The following CLIC4 variants were observed in gnomAD, a reference collection of about 807,000 sequenced individuals.
The protein encoded by CLIC4 is CLIC family member 4.
A neutral mutation model predicts 24.6 loss-of-function variants in CLIC4; 13 were observed. The ratio of observed to expected loss-of-function variants is 0.53; its 90% CI spans 0.34 to 0.84. CLIC4 has a LOEUF of 0.84. Ranked by LOEUF, CLIC4 falls within the 40% of genes least tolerant of loss-of-function variation. The pLI is 0.01. For synonymous variants in CLIC4, 104 were observed against 111.3 expected (o/e 0.93, Z 0.41); for missense variants, 227 against 301.7 (o/e 0.75, Z 1.83).
At chr1:24,815,691 C>T (rs977762661) in intron 3 of CLIC4, among the ~76,000 whole-genome samples, 6 of 152,166 alleles carry the variant, frequency 3.9e-5, no homozygotes, top group African/African-American at 7.2e-5. Context: ...TTGATGGACT[C>T]TTCCTTTCAT....
In CLIC4 at chr1:24,756,528, C is replaced by A. The variant is rs76504734; in HGVS notation, c.72+10903C>A. 5.9e-3 allele frequency among the ~76,000 whole-genome samples: 904 copies of A among 152,220 alleles called. 7 individuals carry two copies. The highest frequency in any genetic ancestry group is 0.021 in the African/African-American group (861 of 41,540). On this transcript the variant is annotated intron_variant, in intron 1 of 5. Coordinates refer to ENST00000374379, the MANE Select transcript of CLIC4 (RefSeq NM_013943.3). ...ACTTCCAACTTACATGTGAATAACT[C>A]ATTCTTATGAAAAGATTTAGTTCTC...
chr1:24,795,883 T>G (rs543992511), intron 1 of CLIC4, among the ~76,000 whole-genome samples: 1 of 152,292 alleles, frequency 6.6e-6, no homozygotes, highest in East Asian at 1.9e-4. Flanking sequence ...ATGGGATGTT[T>G]ATAATGAATT....
chr1:24,762,704 T>C (rs1399255217), intron 1 of CLIC4, among the ~76,000 whole-genome samples: 2 of 152,106 alleles, frequency 1.3e-5, no homozygotes, highest in African/African-American at 4.8e-5. Flanking sequence ...ACTGGCAACC[T>C]TCGTAGTAAC....
intron 2 of CLIC4, 58 bp downstream of exon 2, chr1:24,797,909 C>A: frequency 1.8e-6 from 2 of 1,118,446 alleles, no homozygotes; most frequent in Non-Finnish European, 2.7e-6. Context: ...TCAGTTTGAT[C>A]CTATTTTCAC....
chr1:24,755,040 C>A (rs915125723), intron 1 of CLIC4, among the ~76,000 whole-genome samples: 4 of 148,202 alleles, frequency 2.7e-5, no homozygotes, highest in African/African-American at 7.4e-5. Flanking sequence ...TTACTACACT[C>A]CAGCCTGGAC....
Position 24,839,987 on chromosome 1 carries a change from C to A in CLIC4, c.543C>A (p.Gly181=). The part of the protein sequence containing the change: ...IKFSTRKFLD[G]NEMTLADCNL... The stretch of plus-strand genomic sequence containing the variant: ...TTTCTACACGTAAATTTCTGGATGG[C>A]AATGAAATGACATTAGCTGATTGCA... Residue 181 remains glycine (G), a synonymous_variant, in exon 5 of 6, where the codon GGC becomes GGA. Coordinates refer to ENST00000374379, the MANE Select transcript of CLIC4 (RefSeq NM_013943.3). The A allele has an allele frequency of 6.2e-7, 1 of 1,614,080 alleles. No individual in the cohort carries two copies. Among genetic ancestry groups the A allele is most frequent in the East Asian group, 2.2e-5 (1 of 44,880 alleles).
chr1:24,829,735 A>G (rs1384484111), intron 4 of CLIC4, among the ~76,000 whole-genome samples: 2 of 152,174 alleles, frequency 1.3e-5, no homozygotes, highest in South Asian at 2.1e-4. Context: ...GAGGCAAGGA[A>G]TCTAGAGGTT....
At chr1:24,756,551 C>A (rs116857179) in intron 1 of CLIC4, among the ~76,000 whole-genome samples, 25 of 151,998 alleles carry the variant, frequency 1.6e-4, no homozygotes, top group Admixed American at 1.6e-3. Flanking sequence ...AGATTTAGTT[C>A]TCATTATAAT....
intron 2 of CLIC4, among the ~76,000 whole-genome samples, chr1:24,813,606 A>T (rs1291240595): frequency 6.7e-6 from 1 of 150,070 alleles, no homozygotes; most frequent in African/African-American, 2.5e-5. Flanking sequence ...TTTAGCAGAG[A>T]TGGGGTTTCA....
intron 4 of CLIC4, among the ~76,000 whole-genome samples, chr1:24,832,048 TTCA>T (rs1639847162): frequency 6.6e-6 from 1 of 152,240 alleles, no homozygotes; most frequent in Non-Finnish European, 1.5e-5. Flanking sequence ...TAGAAAGTGT[TTCA>T]TCGTTTCCTG....
intron 1 of CLIC4, among the ~76,000 whole-genome samples, chr1:24,760,299 G>A (rs999645779): frequency 6.6e-6 from 1 of 152,096 alleles, no homozygotes; most frequent in Non-Finnish European, 1.5e-5. Flanking sequence ...CTGGGAGGCG[G>A]AGGTTGCAGT....
At chr1:24,785,542 C>G (rs905109167) in intron 1 of CLIC4, among the ~76,000 whole-genome samples, 1 of 152,098 alleles carries the variant, frequency 6.6e-6, no homozygotes, top group African/African-American at 2.4e-5. Context: ...TTGGTTCCAG[C>G]ATGTGTTTAG....
Position 24,748,497 on chromosome 1 carries a change from TTG to T in CLIC4, c.72+2874_72+2875del, listed in dbSNP as rs1374575902. Reference sequence around the variant, plus strand: ...TTTGCACTGATACAGATCAGGTTTTTTGTTTTTTTTTTTTTTTTTTTTTTTAA... The same window carrying T: ...TTTGCACTGATACAGATCAGGTTTTTTTTTTTTTTTTTTTTTTTTTTTTAA... On this transcript the variant is annotated intron_variant, in intron 1 of 5. Coordinates refer to ENST00000374379, the MANE Select transcript of CLIC4 (RefSeq NM_013943.3). Among the ~76,000 whole-genome samples the T allele has an allele frequency of 2.4e-4, 30 of 124,088 alleles. 1 individual carries two copies. The highest frequency in any genetic ancestry group is 8.1e-4 in the African/African-American group (28 of 34,390). 81.4% of individuals were successfully genotyped at this position (124,088 alleles called of 152,430 possible).
In CLIC4 at chr1:24,828,970, A is replaced by G. The variant is rs1639813744; in HGVS notation, c.415+1854A>G. On this transcript the variant is annotated intron_variant, in intron 4 of 5. Transcript: ENST00000374379. ...TTGAGGCCATGACACTTTAGAAAAC[A>G]ATATTTCAAATCACTTTGGAGCTTA... Among the ~76,000 whole-genome samples the G allele has an allele frequency of 2.0e-5, 3 of 152,166 alleles. No individual in the cohort carries two copies. The South Asian group carries it at 6.2e-4, about 31-fold the overall frequency.
At chr1:24,756,145 G>A (rs991088041) in intron 1 of CLIC4, among the ~76,000 whole-genome samples, 13 of 151,908 alleles carry the variant, frequency 8.6e-5, no homozygotes, top group Non-Finnish European at 1.8e-4. Context: ...GACTACAGGC[G>A]CCCGCCACCA....
At chr1:24,758,322 T>C (rs1638877284) in intron 1 of CLIC4, among the ~76,000 whole-genome samples, 1 of 151,916 alleles carries the variant, frequency 6.6e-6, no homozygotes, top group South Asian at 2.1e-4. Flanking sequence ...TTTTTTTTTT[T>C]TCCTCGTTCT....
intron 1 of CLIC4, among the ~76,000 whole-genome samples, chr1:24,788,610 C>T (rs1490150432): frequency 6.6e-6 from 1 of 152,212 alleles, no homozygotes; most frequent in Non-Finnish European, 1.5e-5. Flanking sequence ...CAAGTTACAG[C>T]ATGTATCCAT....
At chr1:24,835,892 A>G (rs1197772223) in intron 4 of CLIC4, among the ~76,000 whole-genome samples, 1 of 152,232 alleles carries the variant, frequency 6.6e-6, no homozygotes, top group Non-Finnish European at 1.5e-5. Flanking sequence ...TTGAATATAC[A>G]TTATTTAAAT....
At chr1:24,783,538 C>A (rs1263006074) in intron 1 of CLIC4, among the ~76,000 whole-genome samples, 1 of 151,980 alleles carries the variant, frequency 6.6e-6, no homozygotes, top group East Asian at 1.9e-4. Flanking sequence ...CTCGTCTCTA[C>A]TAAAAATACA....
Sources: allele counts gnomAD v4.1 joint callset (sites outside exome capture counted in the v4.1 genomes callset), GRCh38; gene constraint gnomAD v4.1.1; transcripts MANE v1.5; gene names NCBI Gene and HGNC (gene_info 2026-07-23, HGNC 2026-07-21).